The following E2F2 variants were observed in gnomAD, a reference collection of about 807,000 sequenced individuals.
The protein encoded by E2F2 is E2F transcription factor 2, also known as transcription factor E2F2.
Under a neutral mutation model 42.2 loss-of-function variants are expected in E2F2, and 22 were observed. The observed-to-expected ratio is 0.52, with a 90% CI of 0.37 to 0.74. The LOEUF is 0.74. E2F2 is among the 30% of genes least tolerant of loss of function. The pLI is 0.00. For synonymous variants in E2F2, 248 were observed against 251.6 expected (o/e 0.99, Z 0.13); for missense variants, 481 against 557.8 (o/e 0.86, Z 1.39).
intron 6 of E2F2, among the ~76,000 whole-genome samples, chr1:23,513,271 C>T (rs1434359822): frequency 1.3e-5 from 2 of 152,066 alleles, no homozygotes; most frequent in Non-Finnish European, 2.9e-5. Context: ...CACCAAGTCA[C>T]TAAGAAGTGA....
At position 23,530,786 on chromosome 1, in the gene E2F2, T is replaced by C. The variant is rs1643328047; in HGVS notation, c.8A>G (p.Gln3Arg). 1 of 1,535,902 alleles carries C rather than the reference T, an allele frequency of 6.5e-7. No homozygotes were observed. The highest frequency in any genetic ancestry group is 2.4e-5 in the East Asian group (1 of 42,342). Residue 3 changes from glutamine to arginine, a missense_variant, in exon 1 of 7, where the codon CAA becomes CGA. Coordinates refer to ENST00000361729, the MANE Select transcript of E2F2 (RefSeq NM_004091.4). This position sits in a 1 kb window ranked among gnomAD's most constrained non-coding sequence, Gnocchi z 4.4. The part of the protein sequence containing the change: ML[Q>R]GPRALASAAG... ...GGCCGAAGCCAAGGCCCGGGGCCCT[T>C]GCAGCATAGCGAGTAAGGCGCCCCC...
intron 1 of E2F2, among the ~76,000 whole-genome samples, chr1:23,526,781 C>T (rs1200158363): frequency 6.6e-6 from 1 of 152,108 alleles, no homozygotes; most frequent in African/African-American, 2.4e-5. Flanking sequence ...ACACACGCTG[C>T]CCCAGGATTT....
At chr1:23,513,410 A>T (rs1350543286) in intron 6 of E2F2, among the ~76,000 whole-genome samples, 1 of 152,118 alleles carries the variant, frequency 6.6e-6, no homozygotes, top group Non-Finnish European at 1.5e-5. Context: ...TCCATTACAG[A>T]TGAGGGAAAC....
intron 4 of E2F2, among the ~76,000 whole-genome samples, chr1:23,520,243 CAAAAAAAAAAAAAAAAAA>C (rs66460864): frequency 0.097 from 7,697 of 79,364 alleles, 534 homozygotes; most frequent in South Asian, 0.37. Context: ...GACTCTGTCT[CAAAAAAAAAAAAAAAAAA>C]AAAAAAAAAA....
intron 5 of E2F2, among the ~76,000 whole-genome samples, chr1:23,516,810 G>T (rs1189496164): frequency 2.3e-5 from 3 of 132,670 alleles, no homozygotes; most frequent in African/African-American, 5.3e-5. Context: ...GGGGGGGGGG[G>T]GCAGCACCCT....
At chr1:23,521,789 C>T (rs1224416811) in intron 3 of E2F2, 48 bp downstream of exon 3, 1 of 1,604,570 alleles carries the variant, frequency 6.2e-7, no homozygotes, top group African/African-American at 1.3e-5. Context: ...GCTCCGCCCA[C>T]AGCACAAGTA....
At chr1:23,517,266 C>G (rs1281359234) in intron 5 of E2F2, among the ~76,000 whole-genome samples, 1 of 152,170 alleles carries the variant, frequency 6.6e-6, no homozygotes, top group Non-Finnish European at 1.5e-5. Flanking sequence ...TGTCCCTTCC[C>G]TACCACATAA....
Position 23,520,419 on chromosome 1 carries a change from TG to T in E2F2, c.737+493del, listed in dbSNP as rs1333043719. On this transcript the variant is annotated intron_variant, in intron 4 of 6. Coordinates refer to ENST00000361729, the MANE Select transcript of E2F2 (RefSeq NM_004091.4). The stretch of plus-strand genomic sequence containing the variant: ...TTTTCCAGATTTAAAGAAATTTACT[TG>T]GCTTATTTTCAATAATGAAAAAATA... Among the ~76,000 whole-genome samples, 3 of 152,294 alleles carry T rather than the reference TG, an allele frequency of 2.0e-5. 1 individual carries two copies. In the South Asian group the frequency reaches 6.2e-4, roughly 32 times the overall value.
At chr1:23,511,063 C>T (rs1213281105) in intron 6 of E2F2, among the ~76,000 whole-genome samples, 4 of 152,082 alleles carry the variant, frequency 2.6e-5, no homozygotes, top group Non-Finnish European at 4.4e-5. Context: ...CTTGTCTCCA[C>T]TTCCCTATTA....
intron 5 of E2F2, among the ~76,000 whole-genome samples, chr1:23,516,875 G>T (rs1435103908): frequency 6.6e-6 from 1 of 150,916 alleles, no homozygotes; most frequent in East Asian, 1.9e-4. Context: ...AGTGTGACAT[G>T]ATTGGTTCAG....
chr1:23,513,477 C>T (rs1489097482), intron 6 of E2F2, among the ~76,000 whole-genome samples: 1 of 152,200 alleles, frequency 6.6e-6, no homozygotes, highest in South Asian at 2.1e-4. Flanking sequence ...GGACCCAGGT[C>T]CCAAGACTGT....
At chr1:23,513,013 G>C (rs187543729) in intron 6 of E2F2, among the ~76,000 whole-genome samples, 43 of 151,928 alleles carry the variant, frequency 2.8e-4, no homozygotes, top group Admixed American at 9.2e-4. Flanking sequence ...GGGTTTCATC[G>C]TGTTGGCCAG....
chr1:23,530,340 A>G lies in E2F2; in HGVS notation c.252+202T>C, dbSNP rs1156984570. 6.6e-6 allele frequency among the ~76,000 whole-genome samples: 1 copy of G among 152,212 alleles called. No individual in the cohort carries two copies. The highest frequency in any genetic ancestry group is 6.5e-5 in the Admixed American group (1 of 15,282). ...TGCTCATTCCACTCCACTAGAATGG[A>G]TGAGATTATTTCATCCAAAGTCTGA... is the stretch of plus-strand genomic sequence containing the variant. On this transcript the variant is annotated intron_variant, in intron 1 of 6. Coordinates refer to ENST00000361729, the MANE Select transcript of E2F2 (RefSeq NM_004091.4). The surrounding 1 kb of genome is among the most constrained non-coding windows in gnomAD (Gnocchi z 4.4).
In E2F2 at chr1:23,530,154, C is replaced by T. The variant is rs1643314228; in HGVS notation, c.252+388G>A. On this transcript the variant is annotated intron_variant, in intron 1 of 6. Coordinates refer to ENST00000361729, the MANE Select transcript of E2F2 (RefSeq NM_004091.4). This position sits in a 1 kb window ranked among gnomAD's most constrained non-coding sequence, Gnocchi z 4.4. ...CCAAAGTCCCACAGTGTCCCCAGGC[C>T]ATACTCTTTGCCTGGACAATAGCAG... Among the ~76,000 whole-genome samples the T allele has an allele frequency of 6.6e-6, 1 of 152,180 alleles. No homozygotes were observed. The highest frequency in any genetic ancestry group is 6.5e-5 in the Admixed American group (1 of 15,280).
In E2F2 at chr1:23,513,118, GT is replaced by G. The variant is rs11449034; in HGVS notation, c.1046-2971del. 2.8e-3 allele frequency among the ~76,000 whole-genome samples: 393 copies of G among 139,626 alleles called. 1 individual carries two copies. Among genetic ancestry groups the G allele is most frequent in the South Asian group, 5.5e-3 (24 of 4,348 alleles). 91.6% of individuals were successfully genotyped at this position (139,626 alleles called of 152,430 possible). On this transcript the variant is annotated intron_variant, in intron 6 of 6. Coordinates refer to ENST00000361729, the MANE Select transcript of E2F2 (RefSeq NM_004091.4). Reference sequence around the variant, plus strand: ...TGTGCCACCGCGGCTGGCCACATAAGTTTTTTTTTTTTTTTTTTAAATCACA... The same window carrying G: ...TGTGCCACCGCGGCTGGCCACATAAGTTTTTTTTTTTTTTTTTAAATCACA...
intron 4 of E2F2, 32 bp downstream of exon 4, chr1:23,520,881 C>T: frequency 1.3e-6 from 2 of 1,526,430 alleles, no homozygotes; most frequent in Non-Finnish European, 1.8e-6. Flanking sequence ...GGTTCCTGCT[C>T]CCTGACACCT....
rs751759955 is a variant in E2F2 at position 23,530,675 on chromosome 1, G to A, written c.119C>T (p.Ala40Val). ...CAGCGGTGTGTAGTAGGTAGCAGTA[G>A]CTGGGCAGAGCTGGGGGCTGCTGAG... ...SGLSSPQLCP[A>V]TATYYTPLYP... Residue 40 changes from alanine to valine, a missense_variant, in exon 1 of 7, where the codon GCT becomes GTT. Coordinates refer to ENST00000361729, the MANE Select transcript of E2F2 (RefSeq NM_004091.4). The surrounding 1 kb of genome is among the most constrained non-coding windows in gnomAD (Gnocchi z 4.4). 1.4e-4 allele frequency: 223 copies of A among 1,612,858 alleles called. No homozygotes were observed. Among genetic ancestry groups the A allele is most frequent in the Non-Finnish European group, 1.8e-4 (210 of 1,179,646 alleles).
intron 6 of E2F2, among the ~76,000 whole-genome samples, chr1:23,513,595 TG>T (rs1642956826): frequency 6.6e-6 from 1 of 151,204 alleles, no homozygotes; most frequent in African/African-American, 2.4e-5. Flanking sequence ...TGTGTGTGTG[TG>T]TGTGTGTGTG....
intron 1 of E2F2, among the ~76,000 whole-genome samples, chr1:23,529,504 C>G (rs1643304266): frequency 1.3e-5 from 2 of 152,122 alleles, no homozygotes; most frequent in Admixed American, 1.3e-4. Context: ...TATCCCTGTA[C>G]CCGAACTTAT....
Sources: allele counts gnomAD v4.1 joint callset (sites outside exome capture counted in the v4.1 genomes callset), GRCh38; gene constraint gnomAD v4.1.1; non-coding constraint Gnocchi (gnomAD v3.1); transcripts MANE v1.5; gene names NCBI Gene and HGNC (gene_info 2026-07-23, HGNC 2026-07-21).